Variants in SLC1A2 observed in about 807,000 individuals in gnomAD.
SLC1A2 encodes solute carrier family 1 member 2.
SLC1A2 carries 15 observed loss-of-function variants against 48.8 expected under a neutral mutation model. That is an observed-to-expected ratio of 0.31 (90% CI 0.21 to 0.47). The LOEUF (loss-of-function observed/expected upper bound fraction) is 0.47. Ranked by LOEUF, SLC1A2 falls within the 20% of genes least tolerant of loss-of-function variation. SLC1A2 has a pLI of 0.99. For missense variants in SLC1A2, 502 were observed against 730.5 expected (o/e 0.69, Z 3.61); for synonymous variants, 279 against 272.6 (o/e 1.02, Z -0.23).
intron 1 of SLC1A2, among the ~76,000 whole-genome samples, chr11:35,382,538 A>G (rs1247122576): frequency 2.0e-5 from 3 of 152,340 alleles, no homozygotes; most frequent in African/African-American, 4.8e-5. Flanking sequence ...GCTCACGCCT[A>G]TAATCCCAGC....
chr11:35,321,931 C>T (rs112924474), intron 1 of SLC1A2, among the ~76,000 whole-genome samples: 6 of 152,156 alleles, frequency 3.9e-5, no homozygotes, highest in African/African-American at 1.4e-4. Context: ...TCTGACACTG[C>T]CCACCATCTG....
chr11:35,293,602 A>C (rs1851077707), intron 6 of SLC1A2, among the ~76,000 whole-genome samples: 2 of 152,192 alleles, frequency 1.3e-5, no homozygotes, highest in African/African-American at 2.4e-5. Flanking sequence ...TTTCTGGCTG[A>C]TATGAAAATA....
At chr11:35,384,517 C>A (rs1438084519) in intron 1 of SLC1A2, among the ~76,000 whole-genome samples, 2 of 152,200 alleles carry the variant, frequency 1.3e-5, no homozygotes, top group Admixed American at 6.5e-5. Flanking sequence ...TTCAAAATGA[C>A]AAATACATGT....
At chr11:35,262,839 A>G (rs1389656721) in intron 10 of SLC1A2, among the ~76,000 whole-genome samples, 1 of 152,226 alleles carries the variant, frequency 6.6e-6, no homozygotes, top group African/African-American at 2.4e-5. Context: ...CATCTTCAAG[A>G]CCTGCTCAGC....
At chr11:35,369,812 G>A (rs929455129) in intron 1 of SLC1A2, among the ~76,000 whole-genome samples, 1 of 152,146 alleles carries the variant, frequency 6.6e-6, no homozygotes, top group South Asian at 2.1e-4. Context: ...CAGGAGCTGG[G>A]GCAGGATAGC....
intron 7 of SLC1A2, among the ~76,000 whole-genome samples, chr11:35,288,549 G>A (rs1850898642): frequency 6.6e-6 from 1 of 152,142 alleles, no homozygotes; most frequent in African/African-American, 2.4e-5. Flanking sequence ...GTTGTGGTTG[G>A]TGGCCAGGAT....
At position 35,419,313 on chromosome 11, in the gene SLC1A2, C is replaced by A; in HGVS notation, c.-347G>T. On this transcript the variant is annotated 5_prime_UTR_variant, in exon 1 of 11. Transcript: ENST00000278379. This position sits in a 1 kb window ranked among gnomAD's most constrained non-coding sequence, Gnocchi z 5.4. ...GGCGCACGCCGGCGATGCGCCCCTG[C>A]AGCCGCTGCCACCTGTGCTTTGCTG... The A allele has an allele frequency of 3.8e-6, 1 of 265,564 alleles. No homozygotes were observed. Among genetic ancestry groups the A allele is most frequent in the African/African-American group, 2.2e-5 (1 of 45,062 alleles). The allele number at this position is 265,564 out of a possible 1,614,324, so 16.5% of individuals were successfully genotyped here.
rs182426697 is a variant in SLC1A2, at chr11:35,385,655, A to G, written c.17+33295T>C. On this transcript the variant is annotated intron_variant, in intron 1 of 10. Coordinates refer to ENST00000278379, the MANE Select transcript of SLC1A2 (RefSeq NM_004171.4). ...ACTTGATCTTTCCCCAAGATGTGCT[A>G]TATCAAAGACAGGGAGCTTGGTTTT... Among the ~76,000 whole-genome samples, 83 of 152,310 alleles carry G rather than the reference A, an allele frequency of 5.4e-4. 2 individuals are homozygous for G. The highest frequency in any genetic ancestry group is 1.0e-3 in the Non-Finnish European group (68 of 68,028).
At chr11:35,412,308 A>G (rs1855486018) in intron 1 of SLC1A2, among the ~76,000 whole-genome samples, 1 of 152,140 alleles carries the variant, frequency 6.6e-6, no homozygotes, top group Non-Finnish European at 1.5e-5. Flanking sequence ...GGCTGATCCT[A>G]TTTATATTTG....
intron 1 of SLC1A2, among the ~76,000 whole-genome samples, chr11:35,334,051 C>T (rs984686927): frequency 2.8e-4 from 43 of 152,054 alleles, no homozygotes; most frequent in African/African-American, 1.0e-3. Flanking sequence ...GTTTTGTCCA[C>T]TTATAATTAT....
At chr11:35,292,593 C>G in intron 6 of SLC1A2, 73 bp from the exon 7 acceptor site, 1 of 827,790 alleles carries the variant, frequency 1.2e-6, no homozygotes, top group Non-Finnish European at 1.9e-6. Context: ...TCCTCTGTAC[C>G]GCACACTGAG....
intron 1 of SLC1A2, among the ~76,000 whole-genome samples, chr11:35,393,979 T>C (rs1471726939): frequency 6.6e-6 from 1 of 152,150 alleles, no homozygotes; most frequent in Non-Finnish European, 1.5e-5. Flanking sequence ...GTAACCATGA[T>C]GGAGCATTCT....
rs1950241737 is a variant in SLC1A2, at chr11:35,251,730, A to G, written c.*9164T>C. ...TAGCCTGTCCACCATATCTCCTCAT[A>G]TGAAGCAGCCACTGCAAATTAATGT... On this transcript the variant is annotated 3_prime_UTR_variant, in exon 11 of 11. Transcript: ENST00000278379. 6.6e-6 allele frequency: 1 copy of G among 152,626 alleles called. No homozygotes were observed. The highest frequency in any genetic ancestry group is 1.5e-5 in the Non-Finnish European group (1 of 68,026). 9.5% of individuals were successfully genotyped at this position (152,626 alleles called of 1,614,324 possible). A position where few individuals can be genotyped will look rare whatever the true frequency, so the allele number is the denominator to read the frequency against.
At chr11:35,313,871 C>T (rs1851785526) in intron 3 of SLC1A2, among the ~76,000 whole-genome samples, 1 of 152,152 alleles carries the variant, frequency 6.6e-6, no homozygotes, top group Admixed American at 6.5e-5. Context: ...CTCAACCCAG[C>T]TCAGCCCCTG....
chr11:35,357,053 A>G (rs1853499244), intron 1 of SLC1A2, among the ~76,000 whole-genome samples: 1 of 152,140 alleles, frequency 6.6e-6, no homozygotes, highest in South Asian at 2.1e-4. Flanking sequence ...CATCCTATCT[A>G]ACATGGTAAA....
intron 1 of SLC1A2, among the ~76,000 whole-genome samples, chr11:35,367,380 T>A (rs1853888251): frequency 6.6e-6 from 1 of 152,180 alleles, no homozygotes; most frequent in Non-Finnish European, 1.5e-5. Flanking sequence ...TTGGGGGAAA[T>A]GCCTTCTGCA....
chr11:35,264,125 C>T (rs1950440828), intron 10 of SLC1A2: 1 of 152,134 alleles, frequency 6.6e-6, no homozygotes, highest in African/African-American at 2.4e-5. Context: ...GTGCAATTGC[C>T]TCTTGATGGG....
intron 1 of SLC1A2, among the ~76,000 whole-genome samples, chr11:35,365,483 C>CA (rs1853810289): frequency 1.3e-5 from 2 of 152,080 alleles, no homozygotes; most frequent in African/African-American, 4.8e-5. Flanking sequence ...CCTAGGAACC[C>CA]AAACCAACAC....
intron 1 of SLC1A2, among the ~76,000 whole-genome samples, chr11:35,405,877 GC>G (rs900260292): frequency 7.2e-5 from 11 of 152,156 alleles, no homozygotes; most frequent in African/African-American, 2.7e-4. Flanking sequence ...GACCCAACAA[GC>G]AAAAGGAAAT....
Sources: allele counts gnomAD v4.1 joint callset (sites outside exome capture counted in the v4.1 genomes callset), GRCh38; gene constraint gnomAD v4.1.1; non-coding constraint Gnocchi (gnomAD v3.1); transcripts MANE v1.5; gene names NCBI Gene and HGNC (gene_info 2026-07-23, HGNC 2026-07-21).